SCAI: variants seen among roughly 807,000 people sequenced by gnomAD.
SCAI encodes suppressor of cancer cell invasion.
Under a neutral mutation model 92.2 loss-of-function variants are expected in SCAI, and 24 were observed. That is an observed-to-expected ratio of 0.26 (90% confidence interval 0.19 to 0.37). SCAI has a LOEUF of 0.37. SCAI is among the 10% of genes least tolerant of loss of function. The pLI is 1.00. For synonymous variants in SCAI, 261 were observed against 258.6 expected (o/e 1.01, Z -0.09); for missense variants, 450 against 736.2 (o/e 0.61, Z 4.50).
intron 9 of SCAI, among the ~76,000 whole-genome samples, chr9:125,015,292 G>C (rs887062714): frequency 2.0e-5 from 3 of 152,056 alleles, no homozygotes; most frequent in Admixed American, 6.6e-5. Flanking sequence ...ATCTGACAAA[G>C]GGCTAATATC....
intron 11 of SCAI, 96 bp from the exon 12 acceptor site, chr9:125,002,139 A>T: frequency 1.2e-6 from 1 of 854,396 alleles, no homozygotes; most frequent in South Asian, 1.4e-5. Context: ...TGTGAAATAA[A>T]TAAGAATGCA....
chr9:125,009,334 A>G (rs532810318), intron 9 of SCAI, among the ~76,000 whole-genome samples: 2 of 152,288 alleles, frequency 1.3e-5, no homozygotes, highest in African/African-American at 2.4e-5. Context: ...CAGCGGTGCA[A>G]TCTGGGCTCA....
At chr9:124,956,485 C>T (rs1431129244) in intron 17 of SCAI, among the ~76,000 whole-genome samples, 4 of 152,202 alleles carry the variant, frequency 2.6e-5, no homozygotes, top group African/African-American at 7.2e-5. Flanking sequence ...TCCCAAAGTG[C>T]TGGGATTACA....
intron 2 of SCAI, among the ~76,000 whole-genome samples, chr9:125,075,600 C>T (rs1372141515): frequency 6.8e-6 from 1 of 146,636 alleles, no homozygotes; most frequent in Non-Finnish European, 1.5e-5. Context: ...GAGTTTCGCT[C>T]CTGTTGACCA....
intron 2 of SCAI, among the ~76,000 whole-genome samples, chr9:125,072,393 A>G (rs1008896762): frequency 1.3e-5 from 2 of 152,196 alleles, no homozygotes; most frequent in Non-Finnish European, 2.9e-5. Flanking sequence ...GAATTATATC[A>G]TTCCAATATA....
chr9:124,982,438 G>C (rs1051482074), intron 14 of SCAI, among the ~76,000 whole-genome samples: 1 of 152,068 alleles, frequency 6.6e-6, no homozygotes, highest in African/African-American at 2.4e-5. Flanking sequence ...TTGGGAGGCC[G>C]AGGGGGGTGG....
intron 9 of SCAI, among the ~76,000 whole-genome samples, chr9:125,012,203 G>T (rs997285028): frequency 6.6e-6 from 1 of 152,116 alleles, no homozygotes; most frequent in African/African-American, 2.4e-5. Flanking sequence ...AATGTAAATG[G>T]ACTAAATGCT....
intron 9 of SCAI, among the ~76,000 whole-genome samples, chr9:125,012,436 G>A (rs997653619): frequency 6.6e-6 from 1 of 152,080 alleles, no homozygotes; most frequent in African/African-American, 2.4e-5. Context: ...AGATAAAGAA[G>A]GCCATTACAT....
intron 17 of SCAI, among the ~76,000 whole-genome samples, chr9:124,954,651 A>AGG (rs1256644316): frequency 3.9e-5 from 6 of 152,226 alleles, no homozygotes; most frequent in African/African-American, 1.2e-4. Flanking sequence ...TATACAATTC[A>AGG]GTGGCATTTA....
chr9:125,036,780 T>C (rs1833206133), intron 3 of SCAI, among the ~76,000 whole-genome samples: 1 of 152,224 alleles, frequency 6.6e-6, no homozygotes. Flanking sequence ...TGTGCATGTA[T>C]GCATATAAAT....
Position 124,971,730 on chromosome 9 carries a change from T to G in SCAI, c.1514A>C (p.Glu505Ala), listed in dbSNP as rs747920037. 2.5e-6 allele frequency: 4 copies of G among 1,612,352 alleles called. No individual in the cohort carries two copies. Among genetic ancestry groups the G allele is most frequent in the Non-Finnish European group, 2.5e-6 (3 of 1,179,698 alleles). ...ATCACGGTTGATTTTTCGAAGATAT[T>G]CTTGACACTTTTCCCATAGGCCTCT... ...MRRGLWEKCQ[E>A]YLRKINRDIA... Residue 505 changes from glutamate to alanine, a missense_variant, in exon 16 of 18, where the codon GAA (glutamate) becomes GCA (alanine). Glu to Ala is a moderately radical substitution (Grantham distance 107, BLOSUM62 -1). Coordinates refer to ENST00000336505, the MANE Select transcript of SCAI (RefSeq NM_001144877.3).
intron 2 of SCAI, among the ~76,000 whole-genome samples, chr9:125,066,564 T>A (rs1447796362): frequency 3.3e-5 from 5 of 152,162 alleles, no homozygotes; most frequent in Middle Eastern, 3.4e-3. Flanking sequence ...CACACCATTC[T>A]CCTGCCTCAG....
chr9:125,052,923 A>T (rs1414267168), intron 3 of SCAI, among the ~76,000 whole-genome samples: 1 of 152,124 alleles, frequency 6.6e-6, no homozygotes, highest in Non-Finnish European at 1.5e-5. Context: ...AAAGACAGAA[A>T]ATAGTAAGTG....
intron 15 of SCAI, among the ~76,000 whole-genome samples, chr9:124,975,039 T>C (rs1437270800): frequency 6.6e-6 from 1 of 152,134 alleles, no homozygotes; most frequent in Non-Finnish European, 1.5e-5. Context: ...TACATAATGA[T>C]AGGACAGATT....
At position 124,945,976 on chromosome 9, in the gene SCAI, C is replaced by CGAAA. The variant is rs1831139299; in HGVS notation, c.*6830_*6831insTTTC. The CGAAA allele has an allele frequency of 1.3e-5, 2 of 152,130 alleles. No individual in the cohort carries two copies. Among genetic ancestry groups the CGAAA allele is most frequent in the Non-Finnish European group, 2.9e-5 (2 of 68,022 alleles). 9.4% of individuals were successfully genotyped at this position (152,130 alleles called of 1,614,324 possible). On this transcript the variant is annotated 3_prime_UTR_variant, in exon 18 of 18. Transcript: ENST00000336505. ...AGACTGGGGGAAAGGGCTGGGTTTT[C>CGAAA]TAAGCAAGTGTTACCTTATTCACCC...
At chr9:124,969,039 C>A (rs946910494) in intron 17 of SCAI, among the ~76,000 whole-genome samples, 1 of 151,970 alleles carries the variant, frequency 6.6e-6, no homozygotes, top group Non-Finnish European at 1.5e-5. Context: ...AACCCCTGGG[C>A]TCAAGCAATT....
At chr9:124,976,976 C>T (rs1316490252) in intron 14 of SCAI, among the ~76,000 whole-genome samples, 2 of 151,760 alleles carry the variant, frequency 1.3e-5, no homozygotes, top group Non-Finnish European at 2.9e-5. Context: ...TCAAGCGATT[C>T]TCCTGCCTCA....
At chr9:124,978,841 A>G (rs1435818231) in intron 14 of SCAI, among the ~76,000 whole-genome samples, 2 of 152,124 alleles carry the variant, frequency 1.3e-5, no homozygotes, top group South Asian at 2.1e-4. Flanking sequence ...CTTTATGAAC[A>G]GGTATGAAGG....
At chr9:125,116,880 T>C (rs534554748) in intron 2 of SCAI, among the ~76,000 whole-genome samples, 3 of 152,274 alleles carry the variant, frequency 2.0e-5, no homozygotes, top group African/African-American at 7.2e-5. Context: ...TTTATGAAAA[T>C]AAAGAATGTC....
Sources: gnomAD v4.1 joint callset for allele counts (sites outside exome capture counted in the v4.1 genomes callset) on GRCh38, gnomAD v4.1.1 for gene constraint, MANE v1.5 for transcripts, NCBI Gene and HGNC (gene_info 2026-07-23, HGNC 2026-07-21) for gene names.